The following KANSL1L variants were observed in gnomAD, a reference collection of about 807,000 sequenced individuals.
KANSL1L encodes the protein KAT8 regulatory NSL complex subunit 1-like protein.
Under a neutral mutation model 108.6 loss-of-function variants are expected in KANSL1L, and 25 were observed. That is an observed-to-expected ratio of 0.23 (90% CI 0.17 to 0.32). The LOEUF is 0.32. Ranked by LOEUF, KANSL1L falls within the 10% of genes least tolerant of loss-of-function variation. The probability of loss-of-function intolerance (pLI) is 1.00; values close to 1 mark genes in which losing one functional copy is unlikely to be tolerated. For missense variants in KANSL1L, 1,137 were observed against 1,125.7 expected (o/e 1.01, Z -0.14); for synonymous variants, 405 against 395.1 (o/e 1.03, Z -0.30).
At chr2:210,115,120 A>G (rs1176673750) in intron 3 of KANSL1L, among the ~76,000 whole-genome samples, 2 of 152,172 alleles carry the variant, frequency 1.3e-5, no homozygotes, top group South Asian at 4.1e-4. Context: ...GTGTAAATGG[A>G]TTAAACTCCC....
At chr2:210,033,560 C>T (rs894459246) in intron 8 of KANSL1L, among the ~76,000 whole-genome samples, 18 of 152,092 alleles carry the variant, frequency 1.2e-4, no homozygotes, top group African/African-American at 3.9e-4. Context: ...GACGGAGTCT[C>T]GCTCTGTCTC....
At chr2:210,153,424 A>G in intron 2 of KANSL1L, 71 bp downstream of exon 2, 2 of 1,190,562 alleles carry the variant, frequency 1.7e-6, no homozygotes, top group Non-Finnish European at 1.2e-6. Context: ...TCTTGTCAAC[A>G]TACCTGGAAA....
intron 3 of KANSL1L, among the ~76,000 whole-genome samples, chr2:210,122,522 C>A (rs1314122016): frequency 1.3e-5 from 2 of 152,048 alleles, no homozygotes; most frequent in Admixed American, 6.6e-5. Flanking sequence ...ATACAAAAAT[C>A]AAATCAAAAT....
intron 1 of KANSL1L, among the ~76,000 whole-genome samples, chr2:210,162,736 G>A (rs1363492222): frequency 6.7e-6 from 1 of 150,068 alleles, no homozygotes; most frequent in African/African-American, 2.5e-5. Context: ...CATCGAGATA[G>A]GAGGAAATCC....
In KANSL1L at chr2:210,154,619, A is replaced by C. The variant is rs1454493869; in HGVS notation, c.-29-8T>G. ...TAGATAAGTATTGGAAACCTACAAT[A>C]ATGTAAAAATAAATGGTCAAATATC... On this transcript the variant is annotated splice_polypyrimidine_tract_variant and splice_region_variant and intron_variant, in intron 1 of 14. Coordinates refer to ENST00000281772, the MANE Select transcript of KANSL1L (RefSeq NM_152519.4). 2.5e-5 allele frequency: 34 copies of C among 1,386,842 alleles called. No individual in the cohort carries two copies. The highest frequency in any genetic ancestry group is 3.0e-5 in the Non-Finnish European group (32 of 1,063,730). The allele number at this position is 1,386,842 out of a possible 1,614,324, so 85.9% of individuals were successfully genotyped here.
Position 210,075,569 on chromosome 2 carries a change from A to C in KANSL1L, c.1738T>G (p.Phe580Val). The C allele has an allele frequency of 1.2e-6, 2 of 1,613,630 alleles. No homozygotes were observed. The highest frequency in any genetic ancestry group is 1.3e-5 in the African/African-American group (1 of 75,036). ...KRKLYRLSPT[F>V]YWTPQTLPSK... ...AGCCTTACCTGTGGAGTCCAATAAAAAGTAGGGCTCAATCTGTACAGTTTT... is the reference window on the plus strand; with the variant it reads ...AGCCTTACCTGTGGAGTCCAATAAACAGTAGGGCTCAATCTGTACAGTTTT... The change falls in exon 6 of 15, where the codon TTT (phenylalanine) becomes GTT (valine). Residue 580 changes from phenylalanine to valine, a missense_variant. Phe to Val is a conservative substitution (Grantham distance 50). Around this residue, in one of 3 missense-constraint regions of KANSL1L, gnomAD observed 575 missense variants for 567.1 expected, o/e 1.01. Coordinates refer to ENST00000281772, the MANE Select transcript of KANSL1L (RefSeq NM_152519.4).
chr2:210,054,570 T>G (rs889947909), intron 6 of KANSL1L, among the ~76,000 whole-genome samples: 4 of 152,096 alleles, frequency 2.6e-5, no homozygotes, highest in Non-Finnish European at 5.9e-5. Flanking sequence ...TTCTAAGAGA[T>G]ATACTCACAA....
intron 6 of KANSL1L, among the ~76,000 whole-genome samples, chr2:210,050,218 A>G (rs1054297522): frequency 1.3e-5 from 2 of 152,190 alleles, no homozygotes; most frequent in Non-Finnish European, 2.9e-5. Context: ...TTTAAGAACA[A>G]TTAATTCCAG....
chr2:210,149,999 A>C (rs1469926385), intron 2 of KANSL1L, among the ~76,000 whole-genome samples: 1 of 152,162 alleles, frequency 6.6e-6, no homozygotes, highest in Admixed American at 6.5e-5. Context: ...TGTATAGATC[A>C]GATGAGTTTA....
intron 6 of KANSL1L, chr2:210,063,772 T>G (rs964403624): frequency 1.6e-4 from 24 of 152,194 alleles, no homozygotes; most frequent in African/African-American, 4.8e-4. Flanking sequence ...CAACCTGCTT[T>G]TGATTTTACA....
Position 210,025,167 on chromosome 2 carries a change from T to C in KANSL1L, c.2501A>G (p.Glu834Gly), listed in dbSNP as rs772108844. Residue 834 changes from glutamate to glycine, a missense_variant, in exon 13 of 15, where the codon GAA becomes GGA. This residue lies in a region of KANSL1L where 575 missense variants were observed against 567.1 expected (regional missense o/e 1.01). Transcript: ENST00000281772. Reference protein sequence around the residue: ...EVFSLRHKKYEEREQARWSLW... With the variant: ...EVFSLRHKKYGEREQARWSLW... ...TGACCACCTGGCTTGCTCTCTCTCT[T>C]CATATTTTTTGTGCCTTAGGGAGAA... 1.7e-5 allele frequency: 28 copies of C among 1,613,030 alleles called. No individual in the cohort carries two copies. Among genetic ancestry groups the C allele is most frequent in the South Asian group, 4.4e-5 (4 of 91,062 alleles).
Position 210,046,588 on chromosome 2 carries a change from G to C in KANSL1L, c.1756-2484C>G, listed in dbSNP as rs73063924. Among the ~76,000 whole-genome samples, 502 of 152,052 alleles carry C rather than the reference G, an allele frequency of 3.3e-3. 5 individuals are homozygous for C. The highest frequency in any genetic ancestry group is 0.011 in the African/African-American group (475 of 41,490). ...ACGGCAAATTCCATTAAACCTGAAG[G>C]CTCCAGAATAACCTTCTTCTGCTTG... is the stretch of plus-strand genomic sequence containing the variant. On this transcript the variant is annotated intron_variant, in intron 6 of 14. Transcript: ENST00000281772.
chr2:210,079,321 C>T (rs542218962), intron 5 of KANSL1L, among the ~76,000 whole-genome samples: 33 of 151,796 alleles, frequency 2.2e-4, no homozygotes, highest in African/African-American at 6.5e-4. Context: ...ATCGGCTGGG[C>T]GCAGTGGCTC....
At chr2:210,053,969 C>G (rs945270584) in intron 6 of KANSL1L, among the ~76,000 whole-genome samples, 8 of 151,990 alleles carry the variant, frequency 5.3e-5, no homozygotes, top group African/African-American at 1.9e-4. Context: ...TATAATGGCT[C>G]TTAAACATAT....
At chr2:210,025,882 G>A (rs749303021) in intron 12 of KANSL1L, among the ~76,000 whole-genome samples, 1 of 152,220 alleles carries the variant, frequency 6.6e-6, no homozygotes, top group African/African-American at 2.4e-5. Context: ...GAAGACTTCG[G>A]TAGGCTACAG....
chr2:210,027,394 A>C, intron 11 of KANSL1L, 44 bp from the exon 12 acceptor site: 1 of 1,381,562 alleles, frequency 7.2e-7, no homozygotes, highest in Non-Finnish European at 1.0e-6. Context: ...TTATTTATTT[A>C]AATGTGGCAA....
intron 6 of KANSL1L, among the ~76,000 whole-genome samples, chr2:210,056,361 T>C (rs1317859712): frequency 2.0e-5 from 3 of 152,378 alleles, no homozygotes; most frequent in East Asian, 1.9e-4. Context: ...AGTAATACTT[T>C]TATCATTTCA....
chr2:210,165,378 CA>C (rs1280911766), intron 1 of KANSL1L, among the ~76,000 whole-genome samples: 2 of 151,330 alleles, frequency 1.3e-5, no homozygotes, highest in Admixed American at 1.3e-4. Flanking sequence ...TAAAAAACAC[CA>C]GAGAGAATTT....
intron 8 of KANSL1L, among the ~76,000 whole-genome samples, chr2:210,037,090 C>T (rs1482712498): frequency 6.6e-6 from 1 of 152,102 alleles, no homozygotes; most frequent in East Asian, 1.9e-4. Context: ...AGTAGAACAA[C>T]ATTAAAAGAA....
Sources: gnomAD v4.1 joint callset for allele counts (sites outside exome capture counted in the v4.1 genomes callset) on GRCh38, gnomAD v4.1.1 for gene constraint, gnomAD v4.1.1 regional missense constraint, MANE v1.5 for transcripts, NCBI Gene and HGNC (gene_info 2026-07-23, HGNC 2026-07-21) for gene names.